The following ESYT2 variants were observed in gnomAD, a reference collection of about 807,000 sequenced individuals.
ESYT2 encodes extended synaptotagmin-2.
A neutral mutation model predicts 107.2 loss-of-function variants in ESYT2; 54 were observed. The observed-to-expected ratio is 0.50, with a 90% CI of 0.40 to 0.63. The LOEUF (loss-of-function observed/expected upper bound fraction) is 0.63, where lower values mean the gene tolerates loss of function less well. Ranked by LOEUF, ESYT2 falls within the 30% of genes least tolerant of loss-of-function variation. The probability of loss-of-function intolerance (pLI) is 0.00; values close to 1 mark genes in which losing one functional copy is unlikely to be tolerated. For missense variants in ESYT2, 1,020 were observed against 1,094.5 expected, an observed-to-expected ratio of 0.93 and a Z score of 0.96; for synonymous variants, 491 against 434.1, an observed-to-expected ratio of 1.13 and a Z score of -1.63.
chr7:158,743,700 C>T, intron 16 of ESYT2, 22 bp from the exon 17 acceptor site: 2 of 1,599,124 alleles, frequency 1.3e-6, no homozygotes, highest in Admixed American at 3.5e-5. Flanking sequence ...AGGGTGGAAA[C>T]ACTGGCATAA....
intron 7 of ESYT2, among the ~76,000 whole-genome samples, chr7:158,771,507 C>T (rs1389087955): frequency 1.3e-5 from 2 of 152,224 alleles, no homozygotes; most frequent in East Asian, 3.8e-4. Flanking sequence ...CCCTTGCACA[C>T]ACAAGTTGGG....
chr7:158,781,014 G>A (rs1399915374), intron 6 of ESYT2, among the ~76,000 whole-genome samples: 1 of 152,236 alleles, frequency 6.6e-6, no homozygotes, highest in Admixed American at 6.5e-5. Context: ...ATGTGAGAAT[G>A]AGCGTGAGAA....
At chr7:158,804,265 C>T (rs1409065286) in intron 1 of ESYT2, among the ~76,000 whole-genome samples, 4 of 61,580 alleles carry the variant, frequency 6.5e-5, no homozygotes, top group African/African-American at 2.5e-4. Context: ...CCCAAACCGC[C>T]GAGAAGGGTG....
chr7:158,773,494 G>T, intron 6 of ESYT2, 98 bp from the exon 7 acceptor site: 2 of 1,168,626 alleles, frequency 1.7e-6, no homozygotes, highest in Non-Finnish European at 1.3e-6. Flanking sequence ...AAATGGGTTA[G>T]TACACAACAC....
At chr7:158,756,174 C>A in intron 13 of ESYT2, among the ~76,000 whole-genome samples, 1 of 152,212 alleles carries the variant, frequency 6.6e-6, no homozygotes, top group East Asian at 1.9e-4. Flanking sequence ...AGCGCTATCA[C>A]TGCTCTACTA....
intron 11 of ESYT2, 87 bp downstream of exon 11, chr7:158,761,408 TG>T: frequency 1.8e-6 from 2 of 1,093,474 alleles, no homozygotes; most frequent in Non-Finnish European, 2.8e-6. Context: ...CACTGTGTGA[TG>T]GTGAAGGGGT....
intron 20 of ESYT2, 105 bp from the exon 21 acceptor site, chr7:158,735,713 G>GT (rs1465303241): frequency 1.0e-6 from 1 of 990,204 alleles, no homozygotes; most frequent in Non-Finnish European, 1.5e-6. Flanking sequence ...TGTCATGTTT[G>GT]TTTTTTATTA....
intron 21 of ESYT2, 97 bp from the exon 22 acceptor site, chr7:158,734,568 C>T (rs769461944): frequency 2.0e-4 from 221 of 1,111,868 alleles, no homozygotes; most frequent in Non-Finnish European, 2.5e-4. Flanking sequence ...ATGGGAGGAT[C>T]TCTTAAGCCC....
chr7:158,794,075 T>A (rs891237328), intron 3 of ESYT2, among the ~76,000 whole-genome samples: 1 of 152,276 alleles, frequency 6.6e-6, no homozygotes, highest in Non-Finnish European at 1.5e-5. Flanking sequence ...TGTGCTCTTT[T>A]CAAGCTTCTT....
intron 13 of ESYT2, among the ~76,000 whole-genome samples, chr7:158,753,288 G>A (rs985220394): frequency 5.9e-5 from 9 of 152,294 alleles, no homozygotes; most frequent in Middle Eastern, 3.4e-3. Context: ...TGGAACCGCC[G>A]CTGAGACGCA....
At chr7:158,807,254 G>GGAA (rs1554425134) in intron 1 of ESYT2, among the ~76,000 whole-genome samples, 1 of 117,236 alleles carries the variant, frequency 8.5e-6, no homozygotes, top group Non-Finnish European at 1.7e-5. Flanking sequence ...CCGTCTGAAG[G>GGAA]AAAAAAAAAA....
chr7:158,763,999 TAC>T (rs1003066316), intron 9 of ESYT2, among the ~76,000 whole-genome samples: 2 of 152,156 alleles, frequency 1.3e-5, no homozygotes, highest in African/African-American at 4.8e-5. Flanking sequence ...ATTCTACACA[TAC>T]GTCAGTCCTT....
At chr7:158,760,012 G>T (rs762603425) in intron 12 of ESYT2, 46 bp downstream of exon 12, 6 of 1,549,240 alleles carry the variant, frequency 3.9e-6, no homozygotes, top group South Asian at 1.1e-5. Flanking sequence ...CAGTTATGAG[G>T]AGTAGTTGGT....
chr7:158,812,925 AG>A (rs1226407339), intron 1 of ESYT2, among the ~76,000 whole-genome samples: 1 of 152,114 alleles, frequency 6.6e-6, no homozygotes, highest in Non-Finnish European at 1.5e-5. Context: ...GGGTTGGGGG[AG>A]GGGAAACAGG....
At chr7:158,747,618 C>T (rs1303118477) in intron 16 of ESYT2, among the ~76,000 whole-genome samples, 4 of 152,142 alleles carry the variant, frequency 2.6e-5, no homozygotes, top group African/African-American at 9.7e-5. Flanking sequence ...GGGAATGTGA[C>T]ACGGCACAAT....
At chr7:158,756,265 C>A (rs538837515) in intron 13 of ESYT2, among the ~76,000 whole-genome samples, 85 of 152,246 alleles carry the variant, frequency 5.6e-4, no homozygotes, top group African/African-American at 2.0e-3. Context: ...ACGCTGTGGC[C>A]CCCTGTGGCC....
At chr7:158,746,836 G>A (rs1256990396) in intron 16 of ESYT2, among the ~76,000 whole-genome samples, 1 of 152,032 alleles carries the variant, frequency 6.6e-6, no homozygotes, top group Non-Finnish European at 1.5e-5. Flanking sequence ...AGGAGTCTGC[G>A]ACCAGTCTGG....
intron 6 of ESYT2, among the ~76,000 whole-genome samples, chr7:158,778,290 A>T (rs959225275): frequency 2.0e-5 from 3 of 152,174 alleles, no homozygotes. Flanking sequence ...GGTTCCAAGT[A>T]GCTATGTGCT....
intron 14 of ESYT2, among the ~76,000 whole-genome samples, chr7:158,750,325 T>C (rs946777600): frequency 6.6e-6 from 1 of 152,018 alleles, no homozygotes; most frequent in Non-Finnish European, 1.5e-5. Flanking sequence ...AATTCAGGAC[T>C]AGGAAAAACG....
Sources: gnomAD v4.1 joint callset for allele counts (sites outside exome capture counted in the v4.1 genomes callset) on GRCh38, gnomAD v4.1.1 for gene constraint, MANE v1.5 for transcripts, NCBI Gene and HGNC (gene_info 2026-07-23, HGNC 2026-07-21) for gene names.